Variants in EDA observed in about 807,000 individuals in gnomAD.
The protein encoded by EDA is ectodysplasin-A.
A neutral mutation model predicts 23.6 loss-of-function variants in EDA; 2 were observed. That is an observed-to-expected ratio of 0.08 (90% CI 0.03 to 0.27). The LOEUF (loss-of-function observed/expected upper bound fraction) is 0.27. EDA is among the 10% of genes least tolerant of loss of function. The pLI is 1.00. For synonymous variants in EDA, 131 were observed against 132.0 expected (o/e 0.99, Z 0.05); for missense variants, 229 against 324.2 (o/e 0.71, Z 2.26).
At chrX:69,701,901 G>A (rs953998673) in intron 1 of EDA, among the ~76,000 whole-genome samples, 2 of 111,100 alleles carry the variant, frequency 1.8e-5, no homozygotes, top group African/African-American at 6.6e-5. Flanking sequence ...CTACCTCTGC[G>A]CCAGTAGGCT....
At chrX:69,682,754 A>C (rs1934415805) in intron 1 of EDA, among the ~76,000 whole-genome samples, 2 of 111,274 alleles carry the variant, frequency 1.8e-5, no homozygotes, top group Admixed American at 9.5e-5. Context: ...CCGGTATGTC[A>C]GATGGAAACG....
chrX:69,943,488 G>A (rs1338521073), intron 1 of EDA, among the ~76,000 whole-genome samples: 1 of 111,353 alleles, frequency 9.0e-6, no homozygotes, highest in East Asian at 2.8e-4. Flanking sequence ...TTGCCATACA[G>A]AGACTCTTGC....
intron 2 of EDA, among the ~76,000 whole-genome samples, chrX:69,990,673 G>A (rs182042363): frequency 0.011 from 1,168 of 108,901 alleles, 12 homozygotes; most frequent in African/African-American, 0.033. Context: ...TTATCGAAAA[G>A]TTTTCTCTCA....
chrX:70,018,768 T>C (rs192697694), intron 2 of EDA, among the ~76,000 whole-genome samples: 24 of 111,344 alleles, frequency 2.2e-4, no homozygotes, highest in Admixed American at 1.4e-3. Flanking sequence ...ATTCTAGACA[T>C]AGACCCTGGA....
At chrX:69,737,123 T>A (rs763040145) in intron 1 of EDA, among the ~76,000 whole-genome samples, 9 of 111,576 alleles carry the variant, frequency 8.1e-5, no homozygotes, top group African/African-American at 2.6e-4. Context: ...ACTTGTAAAC[T>A]CCCTGTATGT....
chrX:69,630,403 G>T (rs1157059825), intron 1 of EDA, among the ~76,000 whole-genome samples: 1 of 111,615 alleles, frequency 9.0e-6, no homozygotes, highest in Non-Finnish European at 1.9e-5. Context: ...CAGAAAGTCT[G>T]GCTCCCACCT....
intron 1 of EDA, among the ~76,000 whole-genome samples, chrX:69,920,837 T>TA (rs1231466562): frequency 8.9e-5 from 10 of 111,929 alleles, no homozygotes; most frequent in African/African-American, 2.9e-4. Context: ...AGGAAATCAT[T>TA]ATGAACAGCC....
rs1369564914 is a variant in EDA, at chrX:69,952,705, G to A, written c.397-4322G>A. ...ACTCTTACTACTCATGGAAGGTGGA[G>A]TTGTTTCTGCTGTCTGCAGAAGTTT... On this transcript the variant is annotated intron_variant, in intron 1 of 7. Coordinates refer to ENST00000374552, the MANE Select transcript of EDA (RefSeq NM_001399.5). 3.6e-5 allele frequency among the ~76,000 whole-genome samples: 4 copies of A among 112,389 alleles called. No individual in the cohort carries two copies. In the Admixed American group the frequency reaches 3.8e-4, roughly 11 times the overall value.
chrX:69,633,305 C>T (rs1263341923), intron 1 of EDA, among the ~76,000 whole-genome samples: 1 of 112,303 alleles, frequency 8.9e-6, no homozygotes, highest in Non-Finnish European at 1.9e-5. Context: ...TAATGTTCCT[C>T]AGTGAATATT....
intron 1 of EDA, among the ~76,000 whole-genome samples, chrX:69,713,139 C>G (rs1027128434): frequency 2.7e-5 from 3 of 111,022 alleles, no homozygotes; most frequent in African/African-American, 9.8e-5. Context: ...GTGCAACACA[C>G]CAACATGGCA....
At chrX:69,700,118 G>A (rs1260010581) in intron 1 of EDA, among the ~76,000 whole-genome samples, 3 of 110,840 alleles carry the variant, frequency 2.7e-5, no homozygotes, top group African/African-American at 9.9e-5. Context: ...GTTCTGCCAA[G>A]AAGTTGAAAA....
At chrX:69,881,181 C>A (rs75063666) in intron 1 of EDA, among the ~76,000 whole-genome samples, 1 of 110,342 alleles carries the variant, frequency 9.1e-6, no homozygotes, top group Non-Finnish European at 1.9e-5. Flanking sequence ...AGCTTTCCGA[C>A]ATTTTTGTTT....
intron 2 of EDA, among the ~76,000 whole-genome samples, chrX:69,996,651 G>A (rs188654014): frequency 2.3e-3 from 260 of 111,621 alleles, no homozygotes; most frequent in African/African-American, 7.5e-3. Context: ...GCCAGCAACC[G>A]GTCCTCCTCC....
At chrX:69,900,767 A>C (rs1364500421) in intron 1 of EDA, among the ~76,000 whole-genome samples, 1 of 111,390 alleles carries the variant, frequency 9.0e-6, no homozygotes, top group Non-Finnish European at 1.9e-5. Context: ...GTGTGGTGAA[A>C]TGAGTATTCA....
At chrX:69,819,387 A>C (rs147990067) in intron 1 of EDA, among the ~76,000 whole-genome samples, 2,737 of 111,299 alleles carry the variant, frequency 0.025, 66 homozygotes, top group African/African-American at 0.086. Flanking sequence ...GGCAAGAGAA[A>C]GAAAGGAAGA....
intron 2 of EDA, among the ~76,000 whole-genome samples, chrX:70,021,298 G>T (rs2020030487): frequency 8.9e-6 from 1 of 112,010 alleles, no homozygotes; most frequent in Non-Finnish European, 1.9e-5. Context: ...TTTGAAGTCT[G>T]ATATAACAGT....
chrX:69,870,568 T>C (rs935612691), intron 1 of EDA, among the ~76,000 whole-genome samples: 1 of 110,925 alleles, frequency 9.0e-6, no homozygotes, highest in Non-Finnish European at 1.9e-5. Context: ...GTGGACAAGC[T>C]GATGGCAGCA....
At chrX:69,785,719 A>T (rs2015138775) in intron 1 of EDA, among the ~76,000 whole-genome samples, 1 of 106,920 alleles carries the variant, frequency 9.4e-6, no homozygotes, top group East Asian at 2.8e-4. Flanking sequence ...GGATTTTTGC[A>T]TCAATGTTCA....
intron 1 of EDA, among the ~76,000 whole-genome samples, chrX:69,681,605 T>C (rs1454141451): frequency 9.9e-5 from 11 of 111,328 alleles, no homozygotes; most frequent in Non-Finnish European, 1.5e-4. Context: ...TTCTTCCAGT[T>C]GATCGCATCG....
Sources: allele counts gnomAD v4.1 joint callset (sites outside exome capture counted in the v4.1 genomes callset), GRCh38; gene constraint gnomAD v4.1.1; transcripts MANE v1.5; gene names NCBI Gene and HGNC (gene_info 2026-07-23, HGNC 2026-07-21).